Variants in GPR155 observed in about 807,000 individuals in gnomAD.
GPR155 encodes G protein-coupled receptor 155, also known as lysosomal cholesterol signaling protein.
A neutral mutation model predicts 93.1 loss-of-function variants in GPR155; 65 were observed. The observed-to-expected ratio is 0.70, with a 90% CI of 0.57 to 0.86. GPR155 has a LOEUF of 0.86. Ranked by LOEUF, GPR155 falls within the 40% of genes least tolerant of loss-of-function variation. The pLI, the probability that GPR155 is intolerant of heterozygous loss-of-function variation, is 0.00. For missense variants in GPR155, 838 were observed against 1,034.8 expected (o/e 0.81, Z 2.61); for synonymous variants, 319 against 360.1 (o/e 0.89, Z 1.29).
intron 1 of GPR155, among the ~76,000 whole-genome samples, chr2:174,484,495 A>G (rs749911885): frequency 2.0e-5 from 3 of 152,238 alleles, no homozygotes; most frequent in Non-Finnish European, 4.4e-5. Flanking sequence ...AGGCATTCCA[A>G]TAATATTTTT....
chr2:174,440,959 T>C (rs1484498410), intron 14 of GPR155, among the ~76,000 whole-genome samples: 3 of 152,204 alleles, frequency 2.0e-5, no homozygotes, highest in African/African-American at 4.8e-5. Flanking sequence ...CAATCAAATA[T>C]AGACCATAGG....
chr2:174,463,111 CT>C (rs991808366), intron 7 of GPR155, among the ~76,000 whole-genome samples: 118 of 114,260 alleles, frequency 1.0e-3, no homozygotes, highest in Non-Finnish European at 1.4e-3. Flanking sequence ...AATTTTAAGT[CT>C]TTTTTTTTTC....
rs760950927 is a variant in GPR155, at chr2:174,453,751, G to A, written c.1862C>T (p.Pro621Leu). 46 of 1,605,154 alleles carry A rather than the reference G, an allele frequency of 2.9e-5. No individual in the cohort carries two copies. Among genetic ancestry groups the A allele is most frequent in the Non-Finnish European group, 3.9e-5 (46 of 1,172,614 alleles). ...GAGGCACTTACTTTTCTCAAACGAA[G>A]GAATCACAGGCTCACTGGTGCTTGT... is the stretch of plus-strand genomic sequence containing the variant. ...ANTSTSEPVI[P>L]SFEKNNHCVS... The change falls in exon 11 of 16, where the codon CCT becomes CTT. Residue 621 changes from proline (P) to leucine (L), a missense_variant. This residue lies in a region of GPR155 where 663 missense variants were observed against 790.1 expected (regional missense o/e 0.84). Coordinates refer to ENST00000392552, the MANE Select transcript of GPR155 (RefSeq NM_152529.7).
rs1427964341 is a variant in GPR155 at position 174,436,384 on chromosome 2, C to G, written c.2345G>C (p.Cys782Ser). 7.4e-6 allele frequency: 12 copies of G among 1,614,130 alleles called. No homozygotes were observed. The highest frequency in any genetic ancestry group is 1.0e-5 in the Non-Finnish European group (12 of 1,180,026). ...CGAKTSAGTF[C>S]GCDLVSWLIE... ...TAGCCAGCTCACCAGGTCACAGCCA[C>G]AGAAAGTTCCAGCAGAAGTCTTTGC... The change falls in exon 16 of 16, where the codon TGT (cysteine) becomes TCT (serine). Residue 782 changes from cysteine (C) to serine (S), a missense_variant. Around this residue, in one of 3 missense-constraint regions of GPR155, gnomAD observed 146 missense variants for 177.5 expected, o/e 0.82. Coordinates refer to ENST00000392552, the MANE Select transcript of GPR155 (RefSeq NM_152529.7).
Position 174,479,712 on chromosome 2 carries a change from T to G in GPR155, c.460+1785A>C, listed in dbSNP as rs544022780. ...ATTTGTCAGATATTTAACACTGTGG[T>G]GCCGAGTCAGTTCTAAGGTCCTTAT... On this transcript the variant is annotated intron_variant, in intron 2 of 15. Transcript: ENST00000392552. Among the ~76,000 whole-genome samples the G allele has an allele frequency of 2.2e-4, 34 of 152,356 alleles. 1 individual carries two copies. The highest frequency in any genetic ancestry group is 8.2e-4 in the African/African-American group (34 of 41,580).
At chr2:174,474,204 C>T (rs1053422037) in intron 2 of GPR155, among the ~76,000 whole-genome samples, 1 of 152,152 alleles carries the variant, frequency 6.6e-6, no homozygotes, top group Non-Finnish European at 1.5e-5. Flanking sequence ...AAGTATGAAC[C>T]TCAAAGCAGT....
chr2:174,448,523 GTT>G (rs200365350), intron 11 of GPR155, among the ~76,000 whole-genome samples: 1 of 102,960 alleles, frequency 9.7e-6, no homozygotes, highest in Non-Finnish European at 1.8e-5. Context: ...TTTGTTTTTT[GTT>G]TTTTGTTTTT....
In GPR155 at chr2:174,436,129, G is replaced by T; in HGVS notation, c.2600C>A (p.Ser867Tyr). Residue 867 changes from serine (S) to tyrosine (Y), a missense_variant, in exon 16 of 16, where the codon TCC becomes TAC. Ser to Tyr is a moderately radical substitution (Grantham distance 144, BLOSUM62 -2). This residue lies in a region of GPR155 where 146 missense variants were observed against 177.5 expected (regional missense o/e 0.82). Transcript: ENST00000392552. ...CCCCTGCATAATTTAGGTCTTAGGG[G>T]AATGTGAGGGTGGGGATGAATGCTC... is the stretch of plus-strand genomic sequence containing the variant. ...EIEHSSPPSH[S>Y]PKT 1.2e-6 allele frequency: 2 copies of T among 1,612,808 alleles called. No individual in the cohort carries two copies. The highest frequency in any genetic ancestry group is 1.7e-4 in the Middle Eastern group (1 of 6,058).
Position 174,435,090 on chromosome 2 carries a change from G to A in GPR155, c.*1026C>T, listed in dbSNP as rs1686736458. ...TGCTAGTAATACACTTGCCAAATTT[G>A]ATAATTTATAGGAACAGTTAATAGG... On this transcript the variant is annotated 3_prime_UTR_variant, in exon 16 of 16. Transcript: ENST00000392552. The A allele has an allele frequency of 6.6e-6, 1 of 152,132 alleles. No homozygotes were observed. 9.4% of individuals were successfully genotyped at this position (152,132 alleles called of 1,614,324 possible).
chr2:174,449,488 G>C (rs1037919930), intron 11 of GPR155, among the ~76,000 whole-genome samples: 17 of 152,190 alleles, frequency 1.1e-4, no homozygotes, highest in African/African-American at 3.4e-4. Context: ...GGTGCCCATC[G>C]ATGGTGGACT....
intron 12 of GPR155, among the ~76,000 whole-genome samples, chr2:174,446,099 G>T (rs1687114531): frequency 6.6e-6 from 1 of 151,646 alleles, no homozygotes; most frequent in African/African-American, 2.4e-5. Flanking sequence ...CTGAGGTCAG[G>T]GGTTCAAGAC....
At chr2:174,478,280 G>A (rs1346011994) in intron 2 of GPR155, among the ~76,000 whole-genome samples, 1 of 152,176 alleles carries the variant, frequency 6.6e-6, no homozygotes, top group African/African-American at 2.4e-5. Flanking sequence ...CACCCAGGCT[G>A]GAGTACAGTA....
At chr2:174,439,877 C>T (rs772072264) in intron 15 of GPR155, 21 bp downstream of exon 15, 21 of 1,600,960 alleles carry the variant, frequency 1.3e-5, no homozygotes, top group Non-Finnish European at 1.7e-5. Flanking sequence ...TGTCTAGAAC[C>T]TGTACTGGCA....
At chr2:174,472,174 G>A (rs1688017072) in intron 3 of GPR155, among the ~76,000 whole-genome samples, 1 of 152,210 alleles carries the variant, frequency 6.6e-6, no homozygotes, top group Admixed American at 6.5e-5. Context: ...GGGAGGCCGA[G>A]ATGGATGGAT....
chr2:174,443,584 C>A (rs555917125), intron 13 of GPR155, among the ~76,000 whole-genome samples: 1 of 152,112 alleles, frequency 6.6e-6, no homozygotes. Flanking sequence ...CAAAAATTAG[C>A]TGGGCATGGT....
At chr2:174,438,221 G>A (rs956647287) in intron 15 of GPR155, among the ~76,000 whole-genome samples, 1 of 152,030 alleles carries the variant, frequency 6.6e-6, no homozygotes, top group Non-Finnish European at 1.5e-5. Flanking sequence ...GGCGATGGGA[G>A]TAAGACTCTG....
rs781273158 is a variant in GPR155, at chr2:174,461,653, CAAAG to C, written c.1400_1403del (p.Ser467CysfsTer4). On this transcript the variant is annotated frameshift_variant, in exon 8 of 16. Transcript: ENST00000392552. LOFTEE classifies it high-confidence loss of function. ...CCCTCTCTCGCTTTTTCAAAAGAAA[CAAAG>C]AAATTGCTAGAAGGCCTAAGAATAA... 2 of 1,601,146 alleles carry C rather than the reference CAAAG, an allele frequency of 1.2e-6. No homozygotes were observed. The highest frequency in any genetic ancestry group is 1.7e-6 in the Non-Finnish European group (2 of 1,168,450).
At chr2:174,446,466 T>G (rs1562756) in intron 12 of GPR155, 145 bp downstream of exon 12, 2 of 664,748 alleles carry the variant, frequency 3.0e-6, no homozygotes, top group South Asian at 2.0e-5. Flanking sequence ...ACACCTGCAA[T>G]TATTTAGCTC....
At chr2:174,445,257 T>A in intron 12 of GPR155, 81 bp from the exon 13 acceptor site, 1 of 692,376 alleles carries the variant, frequency 1.4e-6, no homozygotes. Context: ...TACAATAACT[T>A]ACCTACTTAA....
Sources: allele counts gnomAD v4.1 joint callset (sites outside exome capture counted in the v4.1 genomes callset), GRCh38; gene constraint gnomAD v4.1.1; regional missense constraint gnomAD v4.1.1; transcripts MANE v1.5; gene names NCBI Gene and HGNC (gene_info 2026-07-23, HGNC 2026-07-21).